Variants in IMMP2L observed in about 807,000 individuals in gnomAD.
IMMP2L encodes the protein mitochondrial inner membrane protease subunit 2.
A neutral mutation model predicts 19.3 loss-of-function variants in IMMP2L; 18 were observed. The ratio of observed to expected loss-of-function variants is 0.93; its 90% CI spans 0.64 to 1.38. The LOEUF (loss-of-function observed/expected upper bound fraction) is 1.38. IMMP2L is among the 40% of genes most tolerant of loss of function. The pLI is 0.00. For synonymous variants in IMMP2L, 76 were observed against 73.0 expected, an observed-to-expected ratio of 1.04 and a Z score of -0.21; for missense variants, 233 against 218.2, an observed-to-expected ratio of 1.07 and a Z score of -0.43.
At chr7:111,497,666 A>T (rs1036706701) in intron 2 of IMMP2L, among the ~76,000 whole-genome samples, 1 of 152,070 alleles carries the variant, frequency 6.6e-6, no homozygotes, top group Non-Finnish European at 1.5e-5. Flanking sequence ...GAAAGAGAGT[A>T]ACTTATAATG....
chr7:111,450,247 C>T (rs1421775771), intron 3 of IMMP2L, among the ~76,000 whole-genome samples: 93 of 149,610 alleles, frequency 6.2e-4, no homozygotes, highest in African/African-American at 2.2e-3. Context: ...GAGCCCGCAT[C>T]GCCAGGTCAA....
At chr7:111,402,054 G>C (rs1381910867) in intron 3 of IMMP2L, among the ~76,000 whole-genome samples, 2 of 151,142 alleles carry the variant, frequency 1.3e-5, no homozygotes, top group Non-Finnish European at 2.9e-5. Context: ...AGGCTGTAGT[G>C]AGCTACGACT....
In IMMP2L at chr7:111,458,247, G is replaced by A. The variant is rs547173481; in HGVS notation, c.239+28991C>T. Among the ~76,000 whole-genome samples, 28 of 152,022 alleles carry A rather than the reference G, an allele frequency of 1.8e-4. No individual in the cohort carries two copies. The South Asian group carries it at 3.5e-3, about 19-fold the overall frequency. On this transcript the variant is annotated intron_variant, in intron 3 of 5. Transcript: ENST00000405709. ...ATACAATTTAGCTGGGCGTGATGGCGTGCGCCTGTACTCCCCAGCTACTCA... is the reference window on the plus strand; with the variant it reads ...ATACAATTTAGCTGGGCGTGATGGCATGCGCCTGTACTCCCCAGCTACTCA...
At chr7:111,081,634 T>A (rs1795895572) in intron 3 of IMMP2L, among the ~76,000 whole-genome samples, 1 of 152,212 alleles carries the variant, frequency 6.6e-6, no homozygotes, top group African/African-American at 2.4e-5. Context: ...CAACAAGTAA[T>A]CTATACATAT....
chr7:111,494,039 G>T (rs1190493390), intron 2 of IMMP2L, among the ~76,000 whole-genome samples: 1 of 152,126 alleles, frequency 6.6e-6, no homozygotes, highest in East Asian at 1.9e-4. Flanking sequence ...TCAAATCGAT[G>T]AAGTTAAACA....
At chr7:110,875,891 T>C (rs1205827145) in intron 5 of IMMP2L, among the ~76,000 whole-genome samples, 1 of 152,130 alleles carries the variant, frequency 6.6e-6, no homozygotes, top group Non-Finnish European at 1.5e-5. Context: ...AGCCTTATAG[T>C]TTCCCCTTTC....
At chr7:111,156,664 C>T (rs1284077659) in intron 3 of IMMP2L, among the ~76,000 whole-genome samples, 1 of 151,888 alleles carries the variant, frequency 6.6e-6, no homozygotes, top group Non-Finnish European at 1.5e-5. Context: ...TTTATTCTTC[C>T]TTAGGTATTT....
At chr7:110,827,916 A>T (rs962277368) in intron 5 of IMMP2L, among the ~76,000 whole-genome samples, 4 of 152,156 alleles carry the variant, frequency 2.6e-5, no homozygotes, top group African/African-American at 9.6e-5. Context: ...TTCTGCAAGG[A>T]TATATGCAAA....
intron 3 of IMMP2L, among the ~76,000 whole-genome samples, chr7:111,460,715 G>A (rs1269715225): frequency 6.6e-6 from 1 of 151,882 alleles, no homozygotes; most frequent in Non-Finnish European, 1.5e-5. Flanking sequence ...CAGGTTGCAT[G>A]ATTATCTAAA....
At chr7:111,032,576 C>A (rs1206642367) in intron 3 of IMMP2L, among the ~76,000 whole-genome samples, 4 of 152,164 alleles carry the variant, frequency 2.6e-5, no homozygotes, top group Non-Finnish European at 5.9e-5. Flanking sequence ...AATCCCAGCA[C>A]TTTGGGTGGT....
intron 3 of IMMP2L, among the ~76,000 whole-genome samples, chr7:111,218,309 A>G (rs913274915): frequency 3.3e-5 from 5 of 152,124 alleles, no homozygotes; most frequent in African/African-American, 1.2e-4. Context: ...TTCAATTCTT[A>G]TAAATGTCAT....
chr7:110,763,096 A>G (rs1261651901), intron 5 of IMMP2L, among the ~76,000 whole-genome samples: 1 of 152,122 alleles, frequency 6.6e-6, no homozygotes, highest in African/African-American at 2.4e-5. Flanking sequence ...GAGGAGGAAA[A>G]TGAAGAAATC....
intron 3 of IMMP2L, among the ~76,000 whole-genome samples, chr7:111,274,027 T>A (rs965145046): frequency 1.3e-5 from 2 of 152,166 alleles, no homozygotes; most frequent in East Asian, 3.9e-4. Flanking sequence ...GAAGAAAATG[T>A]GCTTCCCTAA....
intron 4 of IMMP2L, among the ~76,000 whole-genome samples, chr7:110,938,080 T>C (rs1325766867): frequency 6.6e-5 from 10 of 152,148 alleles, no homozygotes; most frequent in Admixed American, 6.6e-4. Context: ...TCTCCCAGTA[T>C]GCATATCAGT....
chr7:111,124,525 C>T, intron 3 of IMMP2L: 1 of 1,613,030 alleles, frequency 6.2e-7, no homozygotes, highest in East Asian at 2.2e-5. Context: ...TCATCTGAAT[C>T]CATCAACTGA....
At chr7:110,894,431 A>AG (rs1383496102) in intron 4 of IMMP2L, among the ~76,000 whole-genome samples, 2 of 152,156 alleles carry the variant, frequency 1.3e-5, no homozygotes, top group African/African-American at 4.8e-5. Flanking sequence ...TAGCCATTTT[A>AG]GGGGCATATA....
At chr7:111,059,331 A>G (rs975450403) in intron 3 of IMMP2L, among the ~76,000 whole-genome samples, 1 of 152,204 alleles carries the variant, frequency 6.6e-6, no homozygotes, top group Non-Finnish European at 1.5e-5. Flanking sequence ...TTTGCCATGT[A>G]AAATAGGACC....
intron 5 of IMMP2L, among the ~76,000 whole-genome samples, chr7:110,825,242 G>A (rs61585828): frequency 0.024 from 3,695 of 152,142 alleles, 157 homozygotes; most frequent in African/African-American, 0.085. Flanking sequence ...AATCAATATC[G>A]TGAAAATGGC....
chr7:110,919,853 G>A (rs1177986550), intron 4 of IMMP2L, among the ~76,000 whole-genome samples: 1 of 152,136 alleles, frequency 6.6e-6, no homozygotes, highest in African/African-American at 2.4e-5. Flanking sequence ...AATTGAGTCG[G>A]TGGACTGGGA....
Sources: allele counts gnomAD v4.1 joint callset (sites outside exome capture counted in the v4.1 genomes callset), GRCh38; gene constraint gnomAD v4.1.1; transcripts MANE v1.5; gene names NCBI Gene and HGNC (gene_info 2026-07-23, HGNC 2026-07-21).